AGBL4: variants seen among roughly 807,000 people sequenced by gnomAD.
The protein encoded by AGBL4 is cytosolic carboxypeptidase 6.
Under a neutral mutation model 66.4 loss-of-function variants are expected in AGBL4, and 58 were observed. That is an observed-to-expected ratio of 0.87 (90% CI 0.71 to 1.09). AGBL4 has a LOEUF of 1.09. AGBL4 is among the 50% of genes least tolerant of loss of function. The pLI is 0.00. For synonymous variants in AGBL4, 234 were observed against 222.9 expected, an observed-to-expected ratio of 1.05 and a Z score of -0.44; for missense variants, 579 against 631.0, an observed-to-expected ratio of 0.92 and a Z score of 0.88.
intron 5 of AGBL4, among the ~76,000 whole-genome samples, chr1:48,984,262 A>G (rs1659997854): frequency 6.6e-6 from 1 of 151,730 alleles, no homozygotes; most frequent in South Asian, 2.1e-4. Context: ...GTGGAAACTA[A>G]TGTTTAAAGT....
At chr1:48,837,663 AACAC>A (rs58493461) in intron 6 of AGBL4, among the ~76,000 whole-genome samples, 43,053 of 119,862 alleles carry the variant, frequency 0.36, 8,336 homozygotes, top group East Asian at 0.86. Flanking sequence ...TTACTTAATG[AACAC>A]ACACACACAC....
At chr1:48,921,725 A>C (rs932485829) in intron 5 of AGBL4, among the ~76,000 whole-genome samples, 1 of 152,216 alleles carries the variant, frequency 6.6e-6, no homozygotes, top group Non-Finnish European at 1.5e-5. Context: ...ATGGAGCCTC[A>C]AGGAGGTAAA....
intron 1 of AGBL4, among the ~76,000 whole-genome samples, chr1:50,019,932 C>T (rs1484871026): frequency 6.6e-6 from 1 of 151,960 alleles, no homozygotes; most frequent in Non-Finnish European, 1.5e-5. Context: ...TTTTAAAGCA[C>T]AAGATTTAAA....
intron 3 of AGBL4, among the ~76,000 whole-genome samples, chr1:49,582,309 G>C (rs1425710633): frequency 6.6e-6 from 1 of 152,176 alleles, no homozygotes; most frequent in Non-Finnish European, 1.5e-5. Context: ...CAGCCCCTGT[G>C]CTGAGGTCCT....
intron 5 of AGBL4, among the ~76,000 whole-genome samples, chr1:48,896,713 A>T (rs1447672665): frequency 6.6e-6 from 1 of 152,154 alleles, no homozygotes; most frequent in Non-Finnish European, 1.5e-5. Context: ...CCAGCATGAA[A>T]TGATTCTTTT....
chr1:48,546,178 C>A (rs1644155477), intron 11 of AGBL4, among the ~76,000 whole-genome samples: 1 of 152,166 alleles, frequency 6.6e-6, no homozygotes, highest in South Asian at 2.1e-4. Context: ...AGTCAAAGTA[C>A]AATTCGACAT....
chr1:49,932,964 A>G (rs1383801827), intron 1 of AGBL4, among the ~76,000 whole-genome samples: 1 of 152,150 alleles, frequency 6.6e-6, no homozygotes, highest in Non-Finnish European at 1.5e-5. Flanking sequence ...GGGAATGCCA[A>G]AGAAGACGAG....
At chr1:49,907,880 G>C (rs1295020300) in intron 1 of AGBL4, among the ~76,000 whole-genome samples, 2 of 151,912 alleles carry the variant, frequency 1.3e-5, no homozygotes, top group Non-Finnish European at 2.9e-5. Context: ...GTTGATAATT[G>C]GAGAGGCTAT....
chr1:50,003,698 A>G (rs865871768), intron 1 of AGBL4, among the ~76,000 whole-genome samples: 4 of 152,344 alleles, frequency 2.6e-5, no homozygotes, highest in Middle Eastern at 3.4e-3. Flanking sequence ...AGGAAGGAAG[A>G]AAGGGGCCAA....
At chr1:49,541,504 T>A (rs1183399839) in intron 3 of AGBL4, among the ~76,000 whole-genome samples, 1 of 152,058 alleles carries the variant, frequency 6.6e-6, no homozygotes, top group African/African-American at 2.4e-5. Flanking sequence ...GTGCACCAGG[T>A]CCCCCAGCAG....
intron 2 of AGBL4, among the ~76,000 whole-genome samples, chr1:49,729,158 T>G (rs751110560): frequency 2.6e-5 from 4 of 152,202 alleles, no homozygotes; most frequent in Admixed American, 6.5e-5. Context: ...AGAGGTAGTT[T>G]TTCAAAAAGA....
At chr1:49,896,361 T>C (rs561014613) in intron 1 of AGBL4, among the ~76,000 whole-genome samples, 8 of 152,002 alleles carry the variant, frequency 5.3e-5, no homozygotes, top group African/African-American at 1.4e-4. Flanking sequence ...TCAAACTTAA[T>C]CTGCACTGTA....
intron 3 of AGBL4, among the ~76,000 whole-genome samples, chr1:49,369,256 A>G (rs991260994): frequency 6.6e-6 from 1 of 152,232 alleles, no homozygotes; most frequent in Non-Finnish European, 1.5e-5. Context: ...TAACCTTTAG[A>G]TATCTTTAGA....
At chr1:48,801,094 A>G (rs1387238565) in intron 6 of AGBL4, among the ~76,000 whole-genome samples, 1 of 152,054 alleles carries the variant, frequency 6.6e-6, no homozygotes, top group African/African-American at 2.4e-5. Flanking sequence ...CCAGGGAAGT[A>G]GGGGGAAAGC....
At chr1:48,699,544 A>C (rs1381123867) in intron 6 of AGBL4, among the ~76,000 whole-genome samples, 1 of 152,174 alleles carries the variant, frequency 6.6e-6, no homozygotes, top group Non-Finnish European at 1.5e-5. Context: ...GTCCATATAC[A>C]TGGCAAGACA....
intron 6 of AGBL4, among the ~76,000 whole-genome samples, chr1:48,666,882 T>C (rs1279411631): frequency 6.6e-6 from 1 of 152,216 alleles, no homozygotes; most frequent in East Asian, 1.9e-4. Flanking sequence ...CATGATCTTA[T>C]TTAATTCTCA....
chr1:49,818,964 A>C (rs1221785344), intron 2 of AGBL4, among the ~76,000 whole-genome samples: 1 of 152,138 alleles, frequency 6.6e-6, no homozygotes, highest in Non-Finnish European at 1.5e-5. Context: ...GATTTGACTA[A>C]AGTCAAATCC....
chr1:49,420,182 A>G (rs1645512735), intron 3 of AGBL4, among the ~76,000 whole-genome samples: 1 of 152,210 alleles, frequency 6.6e-6, no homozygotes, highest in South Asian at 2.1e-4. Context: ...TGTAAAGACA[A>G]AAATCTCTCG....
intron 4 of AGBL4, among the ~76,000 whole-genome samples, chr1:49,062,311 T>C (rs1644417388): frequency 6.6e-6 from 1 of 152,178 alleles, no homozygotes; most frequent in African/African-American, 2.4e-5. Context: ...CCACCTAGAT[T>C]AGCTATGCCC....
Sources: gnomAD v4.1 joint callset for allele counts (sites outside exome capture counted in the v4.1 genomes callset) on GRCh38, gnomAD v4.1.1 for gene constraint, MANE v1.5 for transcripts, NCBI Gene and HGNC (gene_info 2026-07-23, HGNC 2026-07-21) for gene names.